TRPC5: variants seen among roughly 807,000 people sequenced by gnomAD.
TRPC5 encodes short transient receptor potential channel 5.
TRPC5 carries 9 observed loss-of-function variants against 56.5 expected under a neutral mutation model. The ratio of observed to expected loss-of-function variants is 0.16; its 90% confidence interval spans 0.10 to 0.28. TRPC5 has a LOEUF of 0.28. Ranked by LOEUF, TRPC5 falls within the 10% of genes least tolerant of loss-of-function variation. The pLI is 1.00. For missense variants in TRPC5, 469 were observed against 748.9 expected (o/e 0.63, Z 4.36); for synonymous variants, 282 against 278.5 (o/e 1.01, Z -0.13).
intron 7 of TRPC5, 81 bp downstream of exon 7, chrX:111,834,840 T>C (rs1342127185): frequency 2.7e-6 from 2 of 745,514 alleles, no homozygotes; most frequent in Non-Finnish European, 3.9e-6. Flanking sequence ...AACTCTTTCA[T>C]TGAGCTTCTA....
intron 3 of TRPC5, among the ~76,000 whole-genome samples, chrX:111,899,882 C>T (rs1027515569): frequency 9.0e-5 from 10 of 111,334 alleles, no homozygotes; most frequent in African/African-American, 2.9e-4. Flanking sequence ...TGCTCTGCCT[C>T]TAGTACCCGT....
rs572667030 is a variant in TRPC5 at position 111,991,265 on chromosome X, C to T, written c.-21-38824G>A. On this transcript the variant is annotated intron_variant, in intron 1 of 10. Transcript: ENST00000262839. ...GCATTTGGAATTCTTTCCCATTTTC[C>T]TCTGGGCCTACATCTAGCCCCTCCT... is the stretch of plus-strand genomic sequence containing the variant. Among the ~76,000 whole-genome samples the T allele has an allele frequency of 2.4e-4, 27 of 112,015 alleles. No individual in the cohort carries two copies. The South Asian group carries it at 9.7e-3, about 40-fold the overall frequency.
In TRPC5 at chrX:111,928,808, T is replaced by G. The variant is rs1461592958; in HGVS notation, c.379-15996A>C. Among the ~76,000 whole-genome samples, 5 of 112,320 alleles carry G rather than the reference T, an allele frequency of 4.5e-5. No homozygotes were observed. In the South Asian group the frequency reaches 1.5e-3, roughly 33 times the overall value. On this transcript the variant is annotated intron_variant, in intron 2 of 10. Transcript: ENST00000262839. ...ATCGGCTGTCTTGTTCTTATTTCCC[T>G]GAAGTCAGACATGCCCCACATCTGA...
rs1945830416 is a variant in TRPC5, at chrX:111,769,244, A to C, written c.*7069T>G. On this transcript the variant is annotated 3_prime_UTR_variant, in exon 11 of 11. Transcript: ENST00000262839. ...TCTGTGCTATACAATGTCATTTCTT[A>C]AGGATCAAATAAGTTTGAGGAGTCA... 1.8e-5 allele frequency among the ~76,000 whole-genome samples: 2 copies of C among 111,961 alleles called. No individual in the cohort carries two copies. Among genetic ancestry groups the C allele is most frequent in the Admixed American group, 9.5e-5 (1 of 10,513 alleles).
At chrX:111,906,847 G>A (rs1178620402) in intron 3 of TRPC5, among the ~76,000 whole-genome samples, 2 of 111,425 alleles carry the variant, frequency 1.8e-5, no homozygotes, top group Admixed American at 1.9e-4. Flanking sequence ...ATCAGGTATG[G>A]CACTAGAGAG....
chrX:111,864,982 G>A (rs1923504893), intron 3 of TRPC5, among the ~76,000 whole-genome samples: 1 of 110,778 alleles, frequency 9.0e-6, no homozygotes, highest in Non-Finnish European at 1.9e-5. Context: ...AAAAGTTTAA[G>A]GAATATAGCA....
intron 1 of TRPC5, among the ~76,000 whole-genome samples, chrX:112,006,277 T>A (rs952843492): frequency 2.7e-5 from 3 of 111,663 alleles, no homozygotes; most frequent in Non-Finnish European, 5.6e-5. Context: ...ATATGGCCAA[T>A]TAGATAGGCA....
intron 3 of TRPC5, among the ~76,000 whole-genome samples, chrX:111,910,974 G>T: frequency 8.9e-6 from 1 of 112,741 alleles, no homozygotes; most frequent in Middle Eastern, 4.6e-3. Context: ...CAGGTAAATG[G>T]CAAAAATAAA....
intron 3 of TRPC5, among the ~76,000 whole-genome samples, chrX:111,875,572 CTTTTT>C (rs771241425): frequency 4.5e-4 from 32 of 70,466 alleles, no homozygotes; most frequent in African/African-American, 1.9e-3. Flanking sequence ...TTTTTTCTTT[CTTTTT>C]TTTTTTTTTT....
intron 7 of TRPC5, among the ~76,000 whole-genome samples, chrX:111,796,216 CAT>C (rs1272805238): frequency 3.6e-5 from 4 of 111,663 alleles, no homozygotes; most frequent in Non-Finnish European, 7.5e-5. Context: ...GAAAAATTCT[CAT>C]AGTTTCCTTT....
At chrX:112,009,750 C>T (rs1398925185) in intron 1 of TRPC5, among the ~76,000 whole-genome samples, 1 of 111,079 alleles carries the variant, frequency 9.0e-6, no homozygotes, top group African/African-American at 3.3e-5. Flanking sequence ...TCTACCTATC[C>T]CTTAAAAACA....
intron 3 of TRPC5, among the ~76,000 whole-genome samples, chrX:111,892,893 A>G (rs1015722490): frequency 3.6e-5 from 4 of 111,562 alleles, no homozygotes; most frequent in African/African-American, 9.8e-5. Flanking sequence ...CTCCAGTGCA[A>G]TTATATCAGC....
rs1006081500 is a variant in TRPC5, at chrX:112,001,580, C to T, written c.-21-49139G>A. 2.7e-5 allele frequency among the ~76,000 whole-genome samples: 3 copies of T among 111,523 alleles called. No homozygotes were observed. The Admixed American group carries it at 2.9e-4, about 11-fold the overall frequency. ...TTCGAGACCAGCCTGGCCAACACGGCAAAACCTCGTCTCTACTAACAATAC... is the reference window on the plus strand; with the variant it reads ...TTCGAGACCAGCCTGGCCAACACGGTAAAACCTCGTCTCTACTAACAATAC... On this transcript the variant is annotated intron_variant, in intron 1 of 10. Transcript: ENST00000262839.
intron 3 of TRPC5, among the ~76,000 whole-genome samples, chrX:111,889,870 A>G (rs774128688): frequency 1.3e-4 from 15 of 111,547 alleles, no homozygotes; most frequent in Non-Finnish European, 2.6e-4. Context: ...AGGTGATTTT[A>G]ATGTTCAGCT....
At chrX:112,028,323 C>T (rs774525049) in intron 1 of TRPC5, among the ~76,000 whole-genome samples, 1 of 110,792 alleles carries the variant, frequency 9.0e-6, no homozygotes, top group African/African-American at 3.3e-5. Flanking sequence ...ATGTGCATAA[C>T]GTGCAGGTTT....
At chrX:111,819,651 TCAC>T (rs1226980522) in intron 7 of TRPC5, among the ~76,000 whole-genome samples, 3 of 111,983 alleles carry the variant, frequency 2.7e-5, no homozygotes, top group South Asian at 3.7e-4. Context: ...AGGTCCGTCC[TCAC>T]CTGGAATTCT....
intron 2 of TRPC5, among the ~76,000 whole-genome samples, chrX:111,937,327 G>A (rs2148631008): frequency 9.8e-6 from 1 of 102,006 alleles, no homozygotes; most frequent in East Asian, 3.0e-4. Flanking sequence ...TTCTTTTGCT[G>A]TGCAGAAGCT....
At chrX:111,786,741 CA>C (rs1293223338) in intron 7 of TRPC5, among the ~76,000 whole-genome samples, 2 of 105,920 alleles carry the variant, frequency 1.9e-5, no homozygotes, top group African/African-American at 3.4e-5. Flanking sequence ...AAATGGAAAG[CA>C]AAAAAAAAGC....
In TRPC5 at chrX:111,786,302, A is replaced by T. The variant is rs1945964416; in HGVS notation, c.1897-4164T>A. ...AAGAATTTTCAACCCAGAATTTCAT[A>T]TCCACCCAAACTAAGCTTCATAAGT... is the stretch of plus-strand genomic sequence containing the variant. On this transcript the variant is annotated intron_variant, in intron 7 of 10. Transcript: ENST00000262839. Among the ~76,000 whole-genome samples, 3 of 111,346 alleles carry T rather than the reference A, an allele frequency of 2.7e-5. No individual in the cohort carries two copies. In the South Asian group the frequency reaches 1.1e-3, roughly 42 times the overall value.
Sources: gnomAD v4.1 joint callset for allele counts (sites outside exome capture counted in the v4.1 genomes callset) on GRCh38, gnomAD v4.1.1 for gene constraint, MANE v1.5 for transcripts, NCBI Gene and HGNC (gene_info 2026-07-23, HGNC 2026-07-21) for gene names.